The following VPS37A variants were observed in gnomAD, a reference collection of about 807,000 sequenced individuals.
VPS37A encodes VPS37A subunit of ESCRT-I, also known as vacuolar protein sorting-associated protein 37A.
Under a neutral mutation model 49.8 loss-of-function variants are expected in VPS37A, and 30 were observed. The ratio of observed to expected loss-of-function variants is 0.60; its 90% confidence interval spans 0.45 to 0.82. VPS37A has a LOEUF of 0.82. Among genes scored for constraint, VPS37A ranks in the 40% least tolerant of loss-of-function variants. The pLI is 0.00. For missense variants in VPS37A, 593 were observed against 464.4 expected, an observed-to-expected ratio of 1.28 and a Z score of -2.55; for synonymous variants, 195 against 160.6, an observed-to-expected ratio of 1.21 and a Z score of -1.62.
chr8:17,303,606 C>T (rs887464153), downstream of VPS37A, among the ~76,000 whole-genome samples: 6 of 111,038 alleles, frequency 5.4e-5, no homozygotes, highest in African/African-American at 2.6e-4. Flanking sequence ...CCCATACATA[C>T]AATCTTTTTT....
downstream of VPS37A, among the ~76,000 whole-genome samples, chr8:17,303,863 G>A (rs186641402): frequency 6.6e-5 from 10 of 152,232 alleles, no homozygotes; most frequent in Admixed American, 6.5e-4. Flanking sequence ...ACCCGCCTCG[G>A]CTAATACATA....
the VPS37A span, among the ~76,000 whole-genome samples, chr8:17,308,854 G>C: frequency 3.3e-5 from 5 of 152,130 alleles, no homozygotes; most frequent in African/African-American, 1.2e-4. Context: ...GAGACATCTG[G>C]GACAAACTGC....
chr8:17,286,848 C>G (rs1436611101), intron 11 of VPS37A, among the ~76,000 whole-genome samples: 1 of 152,146 alleles, frequency 6.6e-6, no homozygotes, highest in Non-Finnish European at 1.5e-5. Flanking sequence ...CACCTGTCCC[C>G]ACGACTTGAG....
chr8:17,287,002 A>G (rs951571393), intron 11 of VPS37A, among the ~76,000 whole-genome samples: 1 of 152,142 alleles, frequency 6.6e-6, no homozygotes, highest in African/African-American at 2.4e-5. Flanking sequence ...AGATTTCCAT[A>G]ATCTTGCATA....
At chr8:17,317,629 A>C in the VPS37A span, among the ~76,000 whole-genome samples, 1 of 152,176 alleles carries the variant, frequency 6.6e-6, no homozygotes. Flanking sequence ...TTCACTAGGC[A>C]GTGCAGGGGA....
chr8:17,294,360 T>C (rs1816428288), intron 11 of VPS37A, among the ~76,000 whole-genome samples: 1 of 152,142 alleles, frequency 6.6e-6, no homozygotes, highest in African/African-American at 2.4e-5. Context: ...GGTGAAAATT[T>C]CAAGCCAGTG....
chr8:17,294,030 A>T (rs1816384020), intron 11 of VPS37A, among the ~76,000 whole-genome samples: 1 of 152,184 alleles, frequency 6.6e-6, no homozygotes. Context: ...GGAACGTTTA[A>T]GTGTGTGCAA....
intron 1 of VPS37A, among the ~76,000 whole-genome samples, chr8:17,253,317 G>T (rs758667947): frequency 1.3e-5 from 2 of 152,100 alleles, no homozygotes; most frequent in African/African-American, 4.8e-5. Context: ...TCTGCCTCCA[G>T]CCTTTTTCCC....
chr8:17,252,928 T>G (rs1037509881), intron 1 of VPS37A, among the ~76,000 whole-genome samples: 2 of 152,252 alleles, frequency 1.3e-5, no homozygotes, highest in African/African-American at 4.8e-5. Flanking sequence ...AACTTTAAAA[T>G]TATGCGTATC....
chr8:17,304,489 A>G (rs1012439770), downstream of VPS37A: 9 of 1,613,910 alleles, frequency 5.6e-6, no homozygotes, highest in Admixed American at 1.3e-4. Context: ...TCCACAGGTG[A>G]GCCCATAATG....
chr8:17,280,584 A>G (rs556603512), intron 9 of VPS37A, 141 bp downstream of exon 9: 1 of 709,668 alleles, frequency 1.4e-6, no homozygotes, highest in East Asian at 2.9e-5. Flanking sequence ...TTAAACGTGG[A>G]TGAACAGCTC....
At chr8:17,284,889 C>G (rs953894748) in intron 10 of VPS37A, among the ~76,000 whole-genome samples, 1 of 152,108 alleles carries the variant, frequency 6.6e-6, no homozygotes, top group African/African-American at 2.4e-5. Context: ...GGGGCAACTG[C>G]CATTGCTCTA....
chr8:17,299,472 A>G (rs1156932160), downstream of VPS37A: 2 of 175,104 alleles, frequency 1.1e-5, no homozygotes, highest in East Asian at 2.9e-4. Context: ...ATATGCATCT[A>G]GAAGTGAACT....
At chr8:17,273,022 CCTTTTTTTTT>C (rs1814152823) in intron 4 of VPS37A, among the ~76,000 whole-genome samples, 2 of 80,148 alleles carry the variant, frequency 2.5e-5, no homozygotes, top group African/African-American at 1.3e-4. Context: ...TTTTGCCCTT[CCTTTTTTTTT>C]TTTTTTTTTT....
the VPS37A span, among the ~76,000 whole-genome samples, chr8:17,325,380 G>C: frequency 2.0e-5 from 3 of 152,196 alleles, no homozygotes; most frequent in Admixed American, 1.3e-4. Context: ...ACCTTTGCGT[G>C]GAAGAACAGA....
intron 11 of VPS37A, among the ~76,000 whole-genome samples, chr8:17,293,425 G>A (rs1464426407): frequency 6.6e-6 from 1 of 152,008 alleles, no homozygotes. Context: ...GCTCTAAGGA[G>A]TTTATTACCC....
At chr8:17,305,744 C>A (rs765300243), downstream of VPS37A, 1 of 1,595,700 alleles carries the variant, frequency 6.3e-7, no homozygotes, top group South Asian at 1.1e-5. Context: ...ACCAAAAACA[C>A]CAAAACACTT....
At chr8:17,301,997 A>G (rs938306816), downstream of VPS37A, 3 of 917,682 alleles carry the variant, frequency 3.3e-6, no homozygotes, top group Non-Finnish European at 4.8e-6. Context: ...GGCTTCGGTT[A>G]TCTGAGTCCT....
At chr8:17,254,846 G>C (rs1224599572) in intron 1 of VPS37A, among the ~76,000 whole-genome samples, 1 of 151,972 alleles carries the variant, frequency 6.6e-6, no homozygotes, top group African/African-American at 2.4e-5. Flanking sequence ...TAAAAAATCT[G>C]TTTTGATTTT....
Sources: allele counts gnomAD v4.1 joint callset (sites outside exome capture counted in the v4.1 genomes callset), GRCh38; gene constraint gnomAD v4.1.1; transcripts MANE v1.5; gene names NCBI Gene and HGNC (gene_info 2026-07-23, HGNC 2026-07-21).